Variants in INTS6 observed in about 807,000 individuals in gnomAD.
The protein encoded by INTS6 is DEAD box protein.
A neutral mutation model predicts 104.9 loss-of-function variants in INTS6; 16 were observed. The ratio of observed to expected loss-of-function variants is 0.15; its 90% CI spans 0.10 to 0.23. INTS6 has a LOEUF of 0.23. Among genes scored for constraint, INTS6 ranks in the 10% least tolerant of loss-of-function variants. The pLI, the probability that INTS6 is intolerant of heterozygous loss-of-function variation, is 1.00. For synonymous variants in INTS6, 324 were observed against 358.7 expected, an observed-to-expected ratio of 0.90 and a Z score of 1.09; for missense variants, 584 against 1,062.8, an observed-to-expected ratio of 0.55 and a Z score of 6.26.
chr13:51,440,444 T>A (rs1406506031), intron 3 of INTS6: 2 of 152,156 alleles, frequency 1.3e-5, no homozygotes, highest in East Asian at 1.9e-4. Flanking sequence ...GAAAATTTTT[T>A]AATAAATTTA....
At chr13:51,346,666 G>T in the INTS6 span, among the ~76,000 whole-genome samples, 2 of 152,126 alleles carry the variant, frequency 1.3e-5, no homozygotes, top group South Asian at 4.1e-4. Context: ...CCCAGCAGGG[G>T]TTGTCATTGT....
intron 14 of INTS6, 41 bp downstream of exon 14, chr13:51,374,613 C>A: frequency 6.2e-7 from 1 of 1,606,146 alleles, no homozygotes; most frequent in Non-Finnish European, 8.5e-7. Flanking sequence ...CTGACAGTGC[C>A]TACCATAAAC....
At chr13:51,451,702 T>G (rs1953052804) in intron 2 of INTS6, 1 of 184,350 alleles carries the variant, frequency 5.4e-6, no homozygotes, top group African/African-American at 2.4e-5. Context: ...AGGGGAAATG[T>G]CGGCCATGTT....
rs757565705 is a variant in INTS6 at position 51,374,733 on chromosome 13, G to A, written c.1793C>T (p.Pro598Leu). Residue 598 changes from proline (P) to leucine (L), a missense_variant, in exon 14 of 18, where the codon CCT (proline) becomes CTT (leucine). Coordinates refer to ENST00000311234, the MANE Select transcript of INTS6 (RefSeq NM_012141.3). The stretch of plus-strand genomic sequence containing the variant: ...AGGATCAAGTTCTCTTAGTGGAGAA[G>A]GTACTTGCTTGAGGTATTCCTGGTA... ...GNYQEYLKQV[P>L]SPLRELDPDQ... 3 of 1,613,354 alleles carry A rather than the reference G, an allele frequency of 1.9e-6. No individual in the cohort carries two copies. In the Admixed American group the frequency reaches 5.0e-5, roughly 27 times the overall value.
At chr13:51,401,946 AACT>A (rs1349735714) in intron 4 of INTS6, among the ~76,000 whole-genome samples, 8 of 152,338 alleles carry the variant, frequency 5.3e-5, no homozygotes, top group African/African-American at 1.2e-4. Context: ...TTATAAAAAT[AACT>A]ACTTTTAGAA....
chr13:51,376,301 T>A, intron 12 of INTS6, 127 bp from the exon 13 acceptor site: 1 of 688,532 alleles, frequency 1.5e-6, no homozygotes, highest in Non-Finnish European at 2.2e-6. Context: ...AAAAATAAAA[T>A]AAAGACATAT....
chr13:51,403,530 C>T (rs1956481084), intron 4 of INTS6, among the ~76,000 whole-genome samples: 1 of 147,282 alleles, frequency 6.8e-6, no homozygotes, highest in African/African-American at 2.5e-5. Context: ...TGCAGTGAGC[C>T]CAGATCGCAC....
intron 4 of INTS6, among the ~76,000 whole-genome samples, chr13:51,401,251 C>T (rs981514317): frequency 6.6e-6 from 1 of 152,056 alleles, no homozygotes; most frequent in Non-Finnish European, 1.5e-5. Context: ...TGCATTCACT[C>T]ATCATTTTTT....
intron 4 of INTS6, among the ~76,000 whole-genome samples, chr13:51,419,215 T>C (rs999680869): frequency 9.2e-5 from 14 of 152,210 alleles, no homozygotes; most frequent in African/African-American, 2.9e-4. Context: ...CAAAAAAACC[T>C]GCTCTTTGTA....
intron 4 of INTS6, among the ~76,000 whole-genome samples, chr13:51,427,250 GACACATTCAT>G (rs139669432): frequency 0.011 from 1,726 of 152,216 alleles, 25 homozygotes; most frequent in East Asian, 0.07. Context: ...GGAAATTAAT[GACACATTCAT>G]ACACTGAATA....
chr13:51,449,289 A>C (rs1309508130), intron 3 of INTS6: 2 of 160,186 alleles, frequency 1.2e-5, no homozygotes, highest in African/African-American at 4.8e-5. Context: ...AAAACATCCC[A>C]ATCTCCAGGT....
chr13:51,349,812 T>C (rs1955387280), downstream of INTS6, among the ~76,000 whole-genome samples: 1 of 152,178 alleles, frequency 6.6e-6, no homozygotes, highest in African/African-American at 2.4e-5. Context: ...CTTAACCTCA[T>C]TCTGATAATT....
chr13:51,375,776 T>C (rs1054078825), intron 13 of INTS6, among the ~76,000 whole-genome samples: 10 of 146,676 alleles, frequency 6.8e-5, no homozygotes, highest in Admixed American at 2.0e-4. Flanking sequence ...TGCGCGCGCG[T>C]GCGCGCATGA....
intron 4 of INTS6, among the ~76,000 whole-genome samples, chr13:51,410,284 A>G (rs1956660557): frequency 6.6e-6 from 1 of 152,246 alleles, no homozygotes; most frequent in African/African-American, 2.4e-5. Context: ...AGCAATTTGG[A>G]TAAAAACAAA....
the INTS6 span, among the ~76,000 whole-genome samples, chr13:51,344,848 C>T: frequency 6.6e-6 from 1 of 152,168 alleles, no homozygotes; most frequent in Non-Finnish European, 1.5e-5. Context: ...TAATAAACCA[C>T]CTGTGATGGC....
Position 51,396,044 on chromosome 13 carries a change from C to T in INTS6, c.430-561G>A, listed in dbSNP as rs60448268. On this transcript the variant is annotated intron_variant, in intron 4 of 17. Coordinates refer to ENST00000311234, the MANE Select transcript of INTS6 (RefSeq NM_012141.3). Reference sequence around the variant, plus strand: ...AACTCCCGATCTCAGGTGACCCACACGCCTCGGCCTCTCAAAGTGCTGGAT... The same window carrying T: ...AACTCCCGATCTCAGGTGACCCACATGCCTCGGCCTCTCAAAGTGCTGGAT... 8.5e-3 allele frequency among the ~76,000 whole-genome samples: 1,299 copies of T among 152,160 alleles called. 23 individuals are homozygous for T. Among genetic ancestry groups the T allele is most frequent in the African/African-American group, 0.03 (1,254 of 41,498 alleles).
chr13:51,436,696 A>G (rs1010738461), intron 3 of INTS6: 7 of 152,242 alleles, frequency 4.6e-5, no homozygotes, highest in Admixed American at 1.3e-4. Flanking sequence ...GGGAAATTCA[A>G]TAATTGATAA....
At chr13:51,345,891 C>T in the INTS6 span, among the ~76,000 whole-genome samples, 1 of 151,524 alleles carries the variant, frequency 6.6e-6, no homozygotes, top group Non-Finnish European at 1.5e-5. Flanking sequence ...GCTCAGAGCA[C>T]AGAGTCCAGA....
chr13:51,355,265 TTTTATA>T, intron 3 of INTS6: 1 of 603,228 alleles, frequency 1.7e-6, no homozygotes, highest in Non-Finnish European at 3.0e-6. Context: ...AGGTGCTCTG[TTTTATA>T]TAAGAATGTG....
Sources: allele counts gnomAD v4.1 joint callset (sites outside exome capture counted in the v4.1 genomes callset), GRCh38; gene constraint gnomAD v4.1.1; transcripts MANE v1.5; gene names NCBI Gene and HGNC (gene_info 2026-07-23, HGNC 2026-07-21).